Variants in AGBL1 observed in about 807,000 individuals in gnomAD.
AGBL1 encodes the protein cytosolic carboxypeptidase 4.
A neutral mutation model predicts 118.9 loss-of-function variants in AGBL1; 130 were observed. The ratio of observed to expected loss-of-function variants is 1.09; its 90% confidence interval spans 0.95 to 1.26. AGBL1 has a LOEUF of 1.26. AGBL1 is among the 50% of genes most tolerant of loss of function. The probability of loss-of-function intolerance (pLI) is 0.00; values close to 1 mark genes in which losing one functional copy is unlikely to be tolerated. For synonymous variants in AGBL1, 555 were observed against 478.9 expected (o/e 1.16, Z -2.08); for missense variants, 1,584 against 1,298.1 (o/e 1.22, Z -3.38).
chr15:86,972,568 A>G (rs57809951), intron 23 of AGBL1, among the ~76,000 whole-genome samples: 1 of 152,020 alleles, frequency 6.6e-6, no homozygotes, highest in East Asian at 1.9e-4. Context: ...ATTACTGTCA[A>G]GCCTATCTTT....
At chr15:86,233,128 C>G (rs939676571) in intron 6 of AGBL1, among the ~76,000 whole-genome samples, 1 of 152,184 alleles carries the variant, frequency 6.6e-6, no homozygotes, top group African/African-American at 2.4e-5. Context: ...AATTTGAACT[C>G]AGTTGTGACC....
intron 5 of AGBL1, among the ~76,000 whole-genome samples, chr15:86,205,968 TC>T: frequency 6.6e-6 from 1 of 152,302 alleles, no homozygotes; most frequent in South Asian, 2.1e-4. Context: ...CCTAATGCTA[TC>T]CCTCCCCCTG....
intron 22 of AGBL1, among the ~76,000 whole-genome samples, chr15:86,905,371 T>C (rs933236186): frequency 2.6e-5 from 4 of 152,212 alleles, no homozygotes; most frequent in Admixed American, 6.5e-5. Flanking sequence ...GGGAGCATCA[T>C]TGCAAGTTCC....
chr15:86,773,271 T>A (rs1043097563), intron 22 of AGBL1, among the ~76,000 whole-genome samples: 3 of 152,022 alleles, frequency 2.0e-5, no homozygotes, highest in Non-Finnish European at 4.4e-5. Flanking sequence ...AATGCAGTGA[T>A]GGGGTACGGA....
At chr15:86,858,511 A>G (rs1050112960) in intron 22 of AGBL1, among the ~76,000 whole-genome samples, 12 of 150,780 alleles carry the variant, frequency 8.0e-5, no homozygotes, top group Middle Eastern at 3.5e-3. Flanking sequence ...GGAGCAGGAG[A>G]CTGGTAACTA....
At chr15:86,466,379 G>C (rs1011595890) in intron 18 of AGBL1, among the ~76,000 whole-genome samples, 1 of 152,162 alleles carries the variant, frequency 6.6e-6, no homozygotes, top group Non-Finnish European at 1.5e-5. Flanking sequence ...GGTTATTCTA[G>C]TTAGCAATTC....
rs1330536290 is a variant in AGBL1, at chr15:86,808,558, TTTCCTTCCTCCCCTTTCC to T, written c.3159-98501_3159-98484del. 3.6e-4 allele frequency among the ~76,000 whole-genome samples: 54 copies of T among 150,908 alleles called. No individual in the cohort carries two copies. In the East Asian group the frequency reaches 5.8e-3, roughly 16 times the overall value. On this transcript the variant is annotated intron_variant, in intron 22 of 22. Transcript: ENST00000614907. Reference sequence around the variant, plus strand: ...TTATAAATTTTCTCTCCTCTTTATCTTTCCTTCCTCCCCTTTCCTTCCTTCCTCCCCTTTCCTTCCTTC... The same window carrying T: ...TTATAAATTTTCTCTCCTCTTTATCTTTCCTTCCTCCCCTTTCCTTCCTTC...
intron 1 of AGBL1, among the ~76,000 whole-genome samples, chr15:86,106,137 T>C (rs149066199): frequency 3.4e-4 from 52 of 152,382 alleles, no homozygotes; most frequent in African/African-American, 1.2e-3. Flanking sequence ...TGGTATGATA[T>C]AACCTAGTAT....
intron 18 of AGBL1, among the ~76,000 whole-genome samples, chr15:86,434,015 T>G (rs955039253): frequency 3.3e-5 from 5 of 152,354 alleles, no homozygotes; most frequent in African/African-American, 1.2e-4. Context: ...GAAATTCTAG[T>G]TGATACAGCC....
intron 22 of AGBL1, among the ~76,000 whole-genome samples, chr15:86,831,608 G>A (rs980736485): frequency 1.8e-4 from 28 of 152,218 alleles, no homozygotes; most frequent in Admixed American, 3.3e-4. Flanking sequence ...TCATGCTGAT[G>A]CAAGAGGTGG....
chr15:86,084,084 T>A (rs1037716538), intron 1 of AGBL1, among the ~76,000 whole-genome samples: 3 of 152,178 alleles, frequency 2.0e-5, no homozygotes, highest in Non-Finnish European at 4.4e-5. Flanking sequence ...CAAGCATTAG[T>A]AGAAGCAAAG....
At chr15:86,430,585 C>T (rs916010164) in intron 18 of AGBL1, among the ~76,000 whole-genome samples, 4 of 151,840 alleles carry the variant, frequency 2.6e-5, no homozygotes, top group African/African-American at 7.3e-5. Context: ...ATCTTATCCT[C>T]AAAAGCACAC....
At chr15:86,659,390 C>T (rs1213356444) in intron 21 of AGBL1, among the ~76,000 whole-genome samples, 1 of 152,144 alleles carries the variant, frequency 6.6e-6, no homozygotes, top group Non-Finnish European at 1.5e-5. Flanking sequence ...AGCTAAGACC[C>T]TGCCAAAGGT....
chr15:86,772,095 T>C (rs1185363733), intron 22 of AGBL1, among the ~76,000 whole-genome samples: 1 of 152,012 alleles, frequency 6.6e-6, no homozygotes, highest in Non-Finnish European at 1.5e-5. Context: ...GAGGTCACTG[T>C]AGTGGTCTCA....
chr15:86,132,538 C>T (rs1177677557), intron 1 of AGBL1, among the ~76,000 whole-genome samples: 1 of 152,156 alleles, frequency 6.6e-6, no homozygotes, highest in Non-Finnish European at 1.5e-5. Flanking sequence ...TAATTCTAAC[C>T]TGCAAGTTTT....
chr15:87,001,840 A>T (rs1317297114), intron 24 of AGBL1, among the ~76,000 whole-genome samples: 1 of 151,768 alleles, frequency 6.6e-6, no homozygotes, highest in African/African-American at 2.4e-5. Flanking sequence ...TTTTTCTTGT[A>T]AATTTGTTTG....
intron 22 of AGBL1, among the ~76,000 whole-genome samples, chr15:86,819,613 C>T (rs2078911490): frequency 6.6e-6 from 1 of 152,038 alleles, no homozygotes; most frequent in South Asian, 2.1e-4. Context: ...TCAAGGAGAA[C>T]TACAAACCAC....
At chr15:87,014,810 C>T (rs866660003) in intron 24 of AGBL1, among the ~76,000 whole-genome samples, 1 of 152,116 alleles carries the variant, frequency 6.6e-6, no homozygotes, top group African/African-American at 2.4e-5. Context: ...TACTTGCCCT[C>T]CATTAGAAGA....
rs565549876 is a variant in AGBL1, at chr15:86,441,538, A to T, written c.2555+43992A>T. Among the ~76,000 whole-genome samples, 10 of 152,328 alleles carry T rather than the reference A, an allele frequency of 6.6e-5. No individual in the cohort carries two copies. The East Asian group carries it at 1.5e-3, about 23-fold the overall frequency. ...GAGTAGGGGTGCCAATGACATAGAT[A>T]TGCTTCTAGGAGAATATCCAGGTAT... On this transcript the variant is annotated intron_variant, in intron 18 of 22. Transcript: ENST00000614907.
Sources: allele counts gnomAD v4.1 joint callset (sites outside exome capture counted in the v4.1 genomes callset), GRCh38; gene constraint gnomAD v4.1.1; transcripts MANE v1.5; gene names NCBI Gene and HGNC (gene_info 2026-07-23, HGNC 2026-07-21).